Variants in DLG2 observed in about 807,000 individuals in gnomAD.
The protein encoded by DLG2 is discs large MAGUK scaffold protein 2.
DLG2 carries 45 observed loss-of-function variants against 132.5 expected under a neutral mutation model. The observed-to-expected ratio is 0.34, with a 90% CI of 0.27 to 0.44. The LOEUF is 0.44. DLG2 is among the 20% of genes least tolerant of loss of function. The pLI is 1.00. For synonymous variants in DLG2, 424 were observed against 419.6 expected (o/e 1.01, Z -0.13); for missense variants, 1,045 against 1,196.9 (o/e 0.87, Z 1.87).
chr11:85,198,379 A>G (rs1177121512), intron 4 of DLG2, among the ~76,000 whole-genome samples: 1 of 152,184 alleles, frequency 6.6e-6, no homozygotes, highest in Non-Finnish European at 1.5e-5. Flanking sequence ...CACAAAAAGT[A>G]TACATTTGGC....
chr11:84,299,356 T>C (rs2098127946), intron 7 of DLG2, among the ~76,000 whole-genome samples: 2 of 152,240 alleles, frequency 1.3e-5, no homozygotes, highest in Non-Finnish European at 2.9e-5. Flanking sequence ...TACAGGTTAT[T>C]GCAAACAGTT....
chr11:84,968,066 T>A (rs184239177), intron 6 of DLG2, among the ~76,000 whole-genome samples: 1 of 152,246 alleles, frequency 6.6e-6, no homozygotes, highest in Admixed American at 6.5e-5. Context: ...TTTATATGAA[T>A]AGAAGTTTAT....
chr11:85,194,976 G>A (rs1369947479), intron 4 of DLG2, among the ~76,000 whole-genome samples: 2 of 152,166 alleles, frequency 1.3e-5, no homozygotes, highest in Non-Finnish European at 2.9e-5. Context: ...ACTGTTCTAT[G>A]TCAGCCTGGC....
At chr11:84,747,014 C>A (rs2065461173) in intron 6 of DLG2, among the ~76,000 whole-genome samples, 1 of 152,170 alleles carries the variant, frequency 6.6e-6, no homozygotes, top group South Asian at 2.1e-4. Flanking sequence ...AATCACATGG[C>A]CAGTCCAGAA....
At chr11:84,857,344 A>G (rs952438250) in intron 6 of DLG2, among the ~76,000 whole-genome samples, 2 of 151,938 alleles carry the variant, frequency 1.3e-5, no homozygotes. Flanking sequence ...AGAAGGTAAG[A>G]TCAAGGCAAC....
chr11:85,173,023 A>G (rs1425249978), intron 4 of DLG2, among the ~76,000 whole-genome samples: 1 of 152,222 alleles, frequency 6.6e-6, no homozygotes, highest in Non-Finnish European at 1.5e-5. Flanking sequence ...GACAAGGAGA[A>G]TGGAACTAAG....
At chr11:85,244,064 T>C (rs2076020548) in intron 4 of DLG2, among the ~76,000 whole-genome samples, 1 of 152,018 alleles carries the variant, frequency 6.6e-6, no homozygotes, top group East Asian at 1.9e-4. Flanking sequence ...AAAATGTTAG[T>C]TTCCTGTCTC....
At chr11:84,578,610 G>A (rs539555288) in intron 6 of DLG2, among the ~76,000 whole-genome samples, 44 of 152,262 alleles carry the variant, frequency 2.9e-4, no homozygotes, top group Non-Finnish European at 5.6e-4. Flanking sequence ...CCCAATACCT[G>A]CACTGCCATT....
At chr11:84,338,573 C>T (rs945863899) in intron 7 of DLG2, among the ~76,000 whole-genome samples, 1 of 152,074 alleles carries the variant, frequency 6.6e-6, no homozygotes, top group Non-Finnish European at 1.5e-5. Flanking sequence ...GCCTGTAATC[C>T]CAGCACTTTG....
chr11:85,551,925 AG>A (rs2076687214), intron 3 of DLG2, among the ~76,000 whole-genome samples: 1 of 152,038 alleles, frequency 6.6e-6, no homozygotes, highest in Non-Finnish European at 1.5e-5. Flanking sequence ...AACAATAAGC[AG>A]AGAAACTAAG....
At chr11:84,879,704 C>T (rs954593714) in intron 6 of DLG2, among the ~76,000 whole-genome samples, 4 of 152,078 alleles carry the variant, frequency 2.6e-5, no homozygotes, top group Non-Finnish European at 5.9e-5. Flanking sequence ...GTTGGTGATA[C>T]CTATGACTGC....
chr11:84,156,109 A>G (rs2095423450), intron 9 of DLG2, among the ~76,000 whole-genome samples: 1 of 152,176 alleles, frequency 6.6e-6, no homozygotes, highest in Non-Finnish European at 1.5e-5. Flanking sequence ...GTTTTGCAGG[A>G]CAGGAAAATA....
At chr11:85,111,277 G>C (rs1452928) in intron 6 of DLG2, among the ~76,000 whole-genome samples, 34,214 of 152,038 alleles carry the variant, frequency 0.23, 4,080 homozygotes, top group Middle Eastern at 0.28. Context: ...GTGTGCTCAT[G>C]ACTATTAAGC....
At chr11:83,931,320 C>T (rs1426897433) in intron 14 of DLG2, among the ~76,000 whole-genome samples, 1 of 152,174 alleles carries the variant, frequency 6.6e-6, no homozygotes, top group East Asian at 1.9e-4. Context: ...ACTGCCAGCA[C>T]AGAACCTTAG....
At chr11:84,597,078 G>A (rs1215680341) in intron 6 of DLG2, among the ~76,000 whole-genome samples, 1 of 152,104 alleles carries the variant, frequency 6.6e-6, no homozygotes, top group Admixed American at 6.5e-5. Context: ...AAATTAGTCA[G>A]GTGTGGTTTC....
chr11:85,051,123 A>G (rs1284626883), intron 6 of DLG2, among the ~76,000 whole-genome samples: 1 of 152,138 alleles, frequency 6.6e-6, no homozygotes, highest in Non-Finnish European at 1.5e-5. Context: ...CACATTCTTC[A>G]GGTAAATGAA....
chr11:83,472,642 C>T, intron 23 of DLG2, 85 bp downstream of exon 23: 1 of 1,212,090 alleles, frequency 8.3e-7, no homozygotes, highest in Non-Finnish European at 1.2e-6. Flanking sequence ...GTTTATTCTC[C>T]TTAGTCCTTC....
At chr11:85,222,887 A>G (rs781221522) in intron 4 of DLG2, among the ~76,000 whole-genome samples, 11 of 152,066 alleles carry the variant, frequency 7.2e-5, no homozygotes, top group Non-Finnish European at 1.5e-4. Context: ...GCAGTGACAT[A>G]AGCAGACACT....
At chr11:83,795,132 C>T (rs1042589272) in intron 17 of DLG2, among the ~76,000 whole-genome samples, 1 of 152,046 alleles carries the variant, frequency 6.6e-6, no homozygotes. Flanking sequence ...TCCGGCCAGG[C>T]GCGGTGCTCA....
Sources: allele counts gnomAD v4.1 joint callset (sites outside exome capture counted in the v4.1 genomes callset), GRCh38; gene constraint gnomAD v4.1.1; transcripts MANE v1.5; gene names NCBI Gene and HGNC (gene_info 2026-07-23, HGNC 2026-07-21).